The following CACNA1C variants were observed in gnomAD, a reference collection of about 807,000 sequenced individuals.
CACNA1C encodes calcium voltage-gated channel subunit alpha1 C.
In CACNA1C, 30 loss-of-function variants were observed where a neutral mutation model predicts 229.0. The ratio of observed to expected loss-of-function variants is 0.13; its 90% CI spans 0.10 to 0.18. The LOEUF is 0.18. Among genes scored for constraint, CACNA1C ranks in the 10% least tolerant of loss-of-function variants. The pLI is 1.00. For synonymous variants in CACNA1C, 1,114 were observed against 1,132.5 expected (o/e 0.98, Z 0.33); for missense variants, 1,658 against 2,845.0 (o/e 0.58, Z 9.49).
intron 3 of CACNA1C, among the ~76,000 whole-genome samples, chr12:2,148,013 A>C (rs1398053288): frequency 6.6e-6 from 1 of 151,380 alleles, no homozygotes; most frequent in Non-Finnish European, 1.5e-5. Flanking sequence ...GTATGTTTAC[A>C]TGCATATATA....
chr12:2,008,198 G>A (rs2043807904), intron 1 of CACNA1C, among the ~76,000 whole-genome samples: 1 of 152,110 alleles, frequency 6.6e-6, no homozygotes, highest in Non-Finnish European at 1.5e-5. Flanking sequence ...GCTCACTGCA[G>A]ACTTGACCTC....
intron 3 of CACNA1C, among the ~76,000 whole-genome samples, chr12:2,376,360 T>G (rs1022392562): frequency 1.3e-5 from 2 of 152,128 alleles, no homozygotes; most frequent in Non-Finnish European, 2.9e-5. Context: ...CCTCATAAAC[T>G]ACAACTGGAT....
At chr12:2,020,272 TG>T (rs1482821620) in intron 1 of CACNA1C, 3 of 152,262 alleles carry the variant, frequency 2.0e-5, no homozygotes, top group African/African-American at 7.2e-5. Flanking sequence ...CTCTATAAAG[TG>T]GGTGCTAATA....
intron 3 of CACNA1C, among the ~76,000 whole-genome samples, chr12:2,142,538 T>A (rs1044629947): frequency 5.9e-5 from 9 of 151,366 alleles, no homozygotes; most frequent in African/African-American, 2.2e-4. Context: ...AAAACAAACG[T>A]TAACTGTAAA....
intron 9 of CACNA1C, among the ~76,000 whole-genome samples, chr12:2,542,721 A>G (rs12322010): frequency 0.04 from 6,150 of 152,262 alleles, 363 homozygotes; most frequent in African/African-American, 0.14. Flanking sequence ...GTCACACACC[A>G]AAGCAGGTCG....
At chr12:2,435,118 CAG>C (rs936156863) in intron 3 of CACNA1C, among the ~76,000 whole-genome samples, 13 of 152,172 alleles carry the variant, frequency 8.5e-5, no homozygotes, top group African/African-American at 3.1e-4. Context: ...CTCCAGCAAA[CAG>C]GGGCTGCTGC....
intron 1 of CACNA1C, among the ~76,000 whole-genome samples, chr12:1,973,908 T>A (rs1364113719): frequency 6.6e-6 from 1 of 152,202 alleles, no homozygotes; most frequent in African/African-American, 2.4e-5. Context: ...ATCTTTTCCT[T>A]CTCTCTACTC....
chr12:2,521,311 G>A (rs1473002774), intron 9 of CACNA1C, among the ~76,000 whole-genome samples: 2 of 152,224 alleles, frequency 1.3e-5, no homozygotes, highest in African/African-American at 4.8e-5. Flanking sequence ...GGAGGGACAA[G>A]AGTTACCAGG....
Position 2,135,661 on chromosome 12 carries a change from C to G in CACNA1C, c.477+15231C>G, listed in dbSNP as rs368517739. ...GACCCACTTGAAGAGGCAGTCTGCC[C>G]GTTCTCAGATCTCCAGCCGCGTGCT... is the stretch of plus-strand genomic sequence containing the variant. On this transcript the variant is annotated intron_variant, in intron 3 of 46. Transcript: ENST00000399655. 3.9e-4 allele frequency among the ~76,000 whole-genome samples: 56 copies of G among 143,622 alleles called. 4 individuals carry two copies. Among genetic ancestry groups the G allele is most frequent in the Middle Eastern group, 3.4e-3 (1 of 292 alleles). The allele number at this position is 143,622 out of a possible 152,430, so 94.2% of individuals were successfully genotyped here.
chr12:2,073,430 A>G (rs2062069789), intron 1 of CACNA1C, among the ~76,000 whole-genome samples: 1 of 152,100 alleles, frequency 6.6e-6, no homozygotes, highest in Non-Finnish European at 1.5e-5. Flanking sequence ...ATGACCACAG[A>G]GAAAGGGCCC....
rs941167645 is a variant in CACNA1C, at chr12:2,693,979, C to A, written c.*2780C>A. 2 of 152,338 alleles carry A rather than the reference C, an allele frequency of 1.3e-5. No homozygotes were observed. Among genetic ancestry groups the A allele is most frequent in the African/African-American group, 2.4e-5 (1 of 41,548 alleles). 9.4% of individuals were successfully genotyped at this position (152,338 alleles called of 1,614,324 possible). Reference sequence around the variant, plus strand: ...CTCAATACTCCCCGGTTAACACAGTCTAGAAACAGAGTTTCTTTATGGATA... The same window carrying A: ...CTCAATACTCCCCGGTTAACACAGTATAGAAACAGAGTTTCTTTATGGATA... On this transcript the variant is annotated 3_prime_UTR_variant, in exon 47 of 47. Coordinates refer to ENST00000399655, the MANE Select transcript of CACNA1C (RefSeq NM_000719.7).
chr12:1,977,913 T>C (rs750016866), intron 1 of CACNA1C, among the ~76,000 whole-genome samples: 5 of 152,226 alleles, frequency 3.3e-5, no homozygotes, highest in Non-Finnish European at 5.9e-5. Context: ...TGTTCTATAA[T>C]AGCCACCAAG....
At position 2,284,049 on chromosome 12, in the gene CACNA1C, G is replaced by A. The variant is rs146517986; in HGVS notation, c.477+163619G>A. ...CCGGGTGAGGAGAGAGACCAGCCAA[G>A]CACGTCTTTCAACAACTCTTAACTT... On this transcript the variant is annotated intron_variant, in intron 3 of 46. Coordinates refer to ENST00000399655, the MANE Select transcript of CACNA1C (RefSeq NM_000719.7). Among the ~76,000 whole-genome samples, 1,441 of 152,250 alleles carry A rather than the reference G, an allele frequency of 9.5e-3. 18 individuals carry two copies. Among genetic ancestry groups the A allele is most frequent in the African/African-American group, 0.033 (1,384 of 41,530 alleles).
intron 3 of CACNA1C, among the ~76,000 whole-genome samples, chr12:2,441,490 A>C (rs979084986): frequency 9.2e-5 from 14 of 152,252 alleles, no homozygotes; most frequent in African/African-American, 2.4e-5. Flanking sequence ...GGTGATCCTC[A>C]GAACAACAAG....
chr12:2,582,100 C>T (rs957825848), intron 14 of CACNA1C, among the ~76,000 whole-genome samples: 1 of 151,504 alleles, frequency 6.6e-6, no homozygotes, highest in South Asian at 2.1e-4. Flanking sequence ...TGCACCACTG[C>T]ACACTCTAGC....
At chr12:2,310,688 T>C (rs898241067) in intron 3 of CACNA1C, among the ~76,000 whole-genome samples, 20 of 151,964 alleles carry the variant, frequency 1.3e-4, no homozygotes, top group Admixed American at 1.3e-3. Context: ...AGAGGAAACC[T>C]GCAAGGGCTT....
chr12:2,277,574 C>T (rs1156240591), intron 3 of CACNA1C, among the ~76,000 whole-genome samples: 1 of 152,164 alleles, frequency 6.6e-6, no homozygotes, highest in African/African-American at 2.4e-5. Context: ...TGGGGTCCAC[C>T]CCACCCTGAA....
chr12:1,975,114 A>G (rs1483861664), intron 1 of CACNA1C, among the ~76,000 whole-genome samples: 1 of 152,188 alleles, frequency 6.6e-6, no homozygotes, highest in Non-Finnish European at 1.5e-5. Context: ...CTGATTAAAG[A>G]AAAGTCAGAG....
At position 2,403,679 on chromosome 12, in the gene CACNA1C, G is replaced by A. The variant is rs117507095; in HGVS notation, c.478-45297G>A. 1.7e-3 allele frequency among the ~76,000 whole-genome samples: 257 copies of A among 152,166 alleles called. 5 individuals carry two copies. The East Asian group carries it at 0.039, about 23-fold the overall frequency. Reference sequence around the variant, plus strand: ...TAAATAACAGATGAGAAGATGACTCGTGCAACCTGCAGGGCCCCTCCTCCA... The same window carrying A: ...TAAATAACAGATGAGAAGATGACTCATGCAACCTGCAGGGCCCCTCCTCCA... On this transcript the variant is annotated intron_variant, in intron 3 of 46. Transcript: ENST00000399655. This position sits in a 1 kb window ranked among gnomAD's most constrained non-coding sequence, Gnocchi z 4.1.
Sources: allele counts gnomAD v4.1 joint callset (sites outside exome capture counted in the v4.1 genomes callset), GRCh38; gene constraint gnomAD v4.1.1; non-coding constraint Gnocchi (gnomAD v3.1); transcripts MANE v1.5; gene names NCBI Gene and HGNC (gene_info 2026-07-23, HGNC 2026-07-21).